Variants in ITSN2 observed in about 807,000 individuals in gnomAD.
ITSN2 encodes intersectin-2.
Under a neutral mutation model 243.7 loss-of-function variants are expected in ITSN2, and 156 were observed. That is an observed-to-expected ratio of 0.64 (90% confidence interval 0.56 to 0.73). ITSN2 has a LOEUF of 0.73. Among genes scored for constraint, ITSN2 ranks in the 30% least tolerant of loss-of-function variants. The pLI is 0.00. For missense variants in ITSN2, 1,801 were observed against 1,996.1 expected (o/e 0.90, Z 1.86); for synonymous variants, 703 against 699.9 (o/e 1.00, Z -0.07).
Position 24,216,121 on chromosome 2 carries a change from G to A in ITSN2, c.3918C>T (p.Ser1306=). The change falls in exon 32 of 40, where the codon AGC becomes AGT. Residue 1306 remains serine, a synonymous_variant. Coordinates refer to ENST00000355123, the MANE Select transcript of ITSN2 (RefSeq NM_006277.3). The part of the protein sequence containing the change: ...SHMQAYIRFC[S]CQLNGAALLQ... ...ACAGAGCTGCTCCATTAAGCTGGCA[G>A]CTGCAGAACCTGATGTAAGCCTGCA... 6.2e-7 allele frequency: 1 copy of A among 1,613,276 alleles called. No individual in the cohort carries two copies. Among genetic ancestry groups the A allele is most frequent in the Non-Finnish European group, 8.5e-7 (1 of 1,179,590 alleles).
chr2:24,275,998 G>A, intron 17 of ITSN2, 149 bp from the exon 18 acceptor site: 2 of 537,276 alleles, frequency 3.7e-6, no homozygotes, highest in Non-Finnish European at 3.1e-6. Flanking sequence ...ATATCTAGAT[G>A]ATAAAAAAAA....
intron 1 of ITSN2, among the ~76,000 whole-genome samples, chr2:24,333,094 T>C (rs530272197): frequency 6.6e-6 from 1 of 152,332 alleles, no homozygotes; most frequent in South Asian, 2.1e-4. Flanking sequence ...AGAGGTTAAA[T>C]TACTTGCCCA....
rs768892970 is a variant in ITSN2 at position 24,246,233 on chromosome 2, T to C, written c.3473A>G (p.Asn1158Ser). Residue 1158 changes from asparagine (N) to serine (S), a missense_variant, in exon 29 of 40, where the codon AAC becomes AGC. Asn to Ser is a conservative substitution (Grantham distance 46). Coordinates refer to ENST00000355123, the MANE Select transcript of ITSN2 (RefSeq NM_006277.3). ...FSKGQLINVM[N>S]KDDPDWWQGE... is the part of the protein sequence containing the mutation. ...TTGCCACCAATCAGGATCATCTTTGTTCATAACATTAATGAGTTGTCCCTT... is the reference window on the plus strand; with the variant it reads ...TTGCCACCAATCAGGATCATCTTTGCTCATAACATTAATGAGTTGTCCCTT... 3 of 1,613,208 alleles carry C rather than the reference T, an allele frequency of 1.9e-6. No individual in the cohort carries two copies. The South Asian group carries it at 3.3e-5, about 18-fold the overall frequency.
chr2:24,213,082 C>T lies in ITSN2; in HGVS notation c.3991-334G>A, dbSNP rs1407437188. Among the ~76,000 whole-genome samples the T allele has an allele frequency of 5.9e-5, 9 of 152,084 alleles. No individual in the cohort carries two copies. The East Asian group carries it at 1.7e-3, about 29-fold the overall frequency. On this transcript the variant is annotated intron_variant, in intron 32 of 39. Coordinates refer to ENST00000355123, the MANE Select transcript of ITSN2 (RefSeq NM_006277.3). ...ATCTCAGCTCATGTGCCAAGCCCAG[C>T]GGATGCTCCTCAGCTCTTTCCCATG...
rs533095403 is a variant in ITSN2, at chr2:24,264,444, G to C, written c.2356-2702C>G. Among the ~76,000 whole-genome samples the C allele has an allele frequency of 2.0e-5, 3 of 150,794 alleles. No homozygotes were observed. In the East Asian group the frequency reaches 5.8e-4, roughly 29 times the overall value. ...CTATTTATTAGATTGTCATAGCTAA[G>C]AAACTGAAAAACTTTGAGTAACCCG... On this transcript the variant is annotated intron_variant, in intron 20 of 39. Transcript: ENST00000355123.
chr2:24,283,478 G>A (rs1207798101), intron 17 of ITSN2, among the ~76,000 whole-genome samples: 3 of 152,108 alleles, frequency 2.0e-5, no homozygotes, highest in Non-Finnish European at 2.9e-5. Context: ...CGCCCGCCTC[G>A]GCCTCCCAAA....
At position 24,308,859 on chromosome 2, in the gene ITSN2, G is replaced by A. The variant is rs1384696136; in HGVS notation, c.654-103C>T. ...AAGAATCTTATATACCAGGGGTCCT[G>A]AACCCCCGGGCCACCGACCTGTTAG... On this transcript the variant is annotated intron_variant, in intron 7 of 39. Transcript: ENST00000355123. The A allele has an allele frequency of 6.5e-6, 5 of 772,556 alleles. No homozygotes were observed. The Admixed American group carries it at 6.6e-5, about 10-fold the overall frequency. The allele number at this position is 772,556 out of a possible 1,614,324, so 47.9% of individuals were successfully genotyped here. A position where few individuals can be genotyped will look rare whatever the true frequency, so the allele number is the denominator to read the frequency against.
intron 29 of ITSN2, among the ~76,000 whole-genome samples, chr2:24,224,473 C>T (rs1373308017): frequency 6.6e-6 from 1 of 152,194 alleles, no homozygotes; most frequent in East Asian, 1.9e-4. Flanking sequence ...AAGTATTGGC[C>T]ACTGTATCTG....
intron 29 of ITSN2, among the ~76,000 whole-genome samples, chr2:24,227,042 G>T (rs1263440960): frequency 1.3e-5 from 2 of 151,954 alleles, no homozygotes; most frequent in Non-Finnish European, 2.9e-5. Flanking sequence ...CTTGAACCTG[G>T]GAGGCAGAGG....
Position 24,271,759 on chromosome 2 carries a change from T to A in ITSN2, c.2257+7A>T, listed in dbSNP as rs760563727. 5 of 1,578,216 alleles carry A rather than the reference T, an allele frequency of 3.2e-6. No individual in the cohort carries two copies. Among genetic ancestry groups the A allele is most frequent in the Non-Finnish European group, 4.3e-6 (5 of 1,168,602 alleles). On this transcript the variant is annotated splice_region_variant and intron_variant, in intron 19 of 39. Transcript: ENST00000355123. ...GTTCTACTGTCTCAAAGTATCCTTA[T>A]CCTTACGTTTTTTCTCCTCAGCTTT...
intron 16 of ITSN2, among the ~76,000 whole-genome samples, chr2:24,285,629 A>T (rs1462023270): frequency 6.6e-6 from 1 of 152,230 alleles, no homozygotes; most frequent in Non-Finnish European, 1.5e-5. Flanking sequence ...GCTTCAGTGT[A>T]CAATGAATAC....
intron 15 of ITSN2, among the ~76,000 whole-genome samples, chr2:24,288,307 C>A (rs1679777891): frequency 6.6e-6 from 1 of 152,032 alleles, no homozygotes; most frequent in Non-Finnish European, 1.5e-5. Context: ...ATACCCTTGT[C>A]AAAAATTAGT....
chr2:24,203,137 T>C lies in ITSN2; in HGVS notation c.*489A>G, dbSNP rs1369068536. The C allele has an allele frequency of 6.5e-6, 1 of 154,280 alleles. No homozygotes were observed. Among genetic ancestry groups the C allele is most frequent in the African/African-American group, 2.4e-5 (1 of 41,474 alleles). 9.6% of individuals were successfully genotyped at this position (154,280 alleles called of 1,614,324 possible). On this transcript the variant is annotated 3_prime_UTR_variant, in exon 40 of 40. Transcript: ENST00000355123. ...TGATCAAGTTTCTGTTTTTATTCAGTGCACGAGTAGACGCTATTTCAGTAT... is the reference window on the plus strand; with the variant it reads ...TGATCAAGTTTCTGTTTTTATTCAGCGCACGAGTAGACGCTATTTCAGTAT...
intron 3 of ITSN2, among the ~76,000 whole-genome samples, chr2:24,314,003 A>T (rs980110818): frequency 6.6e-6 from 1 of 152,188 alleles, no homozygotes; most frequent in South Asian, 2.1e-4. Context: ...GAGCAATCTT[A>T]ACGAATCCGG....
rs567756367 is a variant in ITSN2, at chr2:24,208,495, C to G, written c.4596-176G>C. On this transcript the variant is annotated intron_variant, in intron 36 of 39. Coordinates refer to ENST00000355123, the MANE Select transcript of ITSN2 (RefSeq NM_006277.3). ...TGCTTATGCTAATGGAGTATGAGAG[C>G]TGGTAGTGACCCTTCTTGGCTGACC... Among the ~76,000 whole-genome samples, 139 of 152,318 alleles carry G rather than the reference C, an allele frequency of 9.1e-4. 1 individual carries two copies. Among genetic ancestry groups the G allele is most frequent in the African/African-American group, 3.2e-3 (132 of 41,562 alleles).
rs1668512397 is a variant in ITSN2, at chr2:24,203,324, G to C, written c.*302C>G. 1 of 236,864 alleles carries C rather than the reference G, an allele frequency of 4.2e-6. No homozygotes were observed. Among genetic ancestry groups the C allele is most frequent in the Admixed American group, 5.0e-5 (1 of 20,114 alleles). 14.7% of individuals were successfully genotyped at this position (236,864 alleles called of 1,614,324 possible). On this transcript the variant is annotated 3_prime_UTR_variant, in exon 40 of 40. Coordinates refer to ENST00000355123, the MANE Select transcript of ITSN2 (RefSeq NM_006277.3). ...GAGCGGTAACATCTGGTGGTCTGAT[G>C]CCTCATTTCCAAGTAATACTTTTTA...
At chr2:24,291,655 A>T (rs575880843) in intron 15 of ITSN2, among the ~76,000 whole-genome samples, 4 of 152,054 alleles carry the variant, frequency 2.6e-5, no homozygotes, top group Admixed American at 2.6e-4. Flanking sequence ...ATGCCCAGCT[A>T]ATTTTTGTAT....
At chr2:24,223,644 C>A (rs1670686210) in intron 29 of ITSN2, among the ~76,000 whole-genome samples, 1 of 147,036 alleles carries the variant, frequency 6.8e-6, no homozygotes. Context: ...TGTGACTGCA[C>A]CACTGTACTC....
At chr2:24,357,593 T>G (rs923637497) in intron 1 of ITSN2, among the ~76,000 whole-genome samples, 8 of 151,992 alleles carry the variant, frequency 5.3e-5, no homozygotes, top group African/African-American at 1.9e-4. Context: ...CTGTTTTTTT[T>G]GTAAGAAATA....
Sources: allele counts gnomAD v4.1 joint callset (sites outside exome capture counted in the v4.1 genomes callset), GRCh38; gene constraint gnomAD v4.1.1; transcripts MANE v1.5; gene names NCBI Gene and HGNC (gene_info 2026-07-23, HGNC 2026-07-21).